Variants in DPYD observed in about 807,000 individuals in gnomAD.
DPYD encodes dihydropyrimidine dehydrogenase [NADP(+)].
DPYD carries 109 observed loss-of-function variants against 116.2 expected under a neutral mutation model. That is an observed-to-expected ratio of 0.94 (90% confidence interval 0.80 to 1.10). The LOEUF (loss-of-function observed/expected upper bound fraction) is 1.10. DPYD is among the 50% of genes least tolerant of loss of function. The pLI is 0.00. For missense variants in DPYD, 1,302 were observed against 1,254.5 expected (o/e 1.04, Z -0.57); for synonymous variants, 440 against 432.0 (o/e 1.02, Z -0.23).
intron 20 of DPYD, among the ~76,000 whole-genome samples, chr1:97,164,809 G>A (rs907634031): frequency 2.6e-5 from 4 of 151,704 alleles, no homozygotes; most frequent in Admixed American, 1.3e-4. Context: ...TTCCATGCTC[G>A]TGGACAGGAG....
intron 6 of DPYD, among the ~76,000 whole-genome samples, chr1:97,698,055 T>C (rs1661400744): frequency 6.6e-6 from 1 of 152,028 alleles, no homozygotes; most frequent in Admixed American, 6.6e-5. Flanking sequence ...AAAATGATAT[T>C]CTAAATCTTT....
At chr1:97,672,509 A>T (rs906002861) in intron 8 of DPYD, among the ~76,000 whole-genome samples, 10 of 152,276 alleles carry the variant, frequency 6.6e-5, no homozygotes, top group South Asian at 2.1e-4. Flanking sequence ...ATTACAAATT[A>T]AAAAAAGTAG....
chr1:97,434,913 C>G (rs1457677218), intron 14 of DPYD, among the ~76,000 whole-genome samples: 1 of 151,912 alleles, frequency 6.6e-6, no homozygotes, highest in Non-Finnish European at 1.5e-5. Context: ...ATCATGCAAT[C>G]AGGATGATAT....
At chr1:97,627,949 A>C (rs1657030624) in intron 8 of DPYD, among the ~76,000 whole-genome samples, 1 of 152,084 alleles carries the variant, frequency 6.6e-6, no homozygotes, top group Non-Finnish European at 1.5e-5. Context: ...ATCCTTAAAA[A>C]GACCAGTTTG....
rs538118297 is a variant in DPYD at position 97,829,246 on chromosome 1, T to C, written c.151-1050A>G. 3.3e-5 allele frequency among the ~76,000 whole-genome samples: 5 copies of C among 152,042 alleles called. No individual in the cohort carries two copies. In the South Asian group the frequency reaches 1.0e-3, roughly 32 times the overall value. ...ATTTTACAAAATTACAGAAATTATA[T>C]TAATAATGTCCAATGTATAAGAATG... On this transcript the variant is annotated intron_variant, in intron 2 of 22. Coordinates refer to ENST00000370192, the MANE Select transcript of DPYD (RefSeq NM_000110.4).
In DPYD at chr1:97,472,468, A is replaced by C. The variant is rs565616622; in HGVS notation, c.1741-22245T>G. Among the ~76,000 whole-genome samples, 74 of 152,302 alleles carry C rather than the reference A, an allele frequency of 4.9e-4. 1 individual carries two copies. The highest frequency in any genetic ancestry group is 1.7e-3 in the African/African-American group (71 of 41,570). ...TTTAGTACACTTTCTTCCTTAGGCA[A>C]GTTGCTTTACTGTTATTTGGATGTG... On this transcript the variant is annotated intron_variant, in intron 13 of 22. Transcript: ENST00000370192.
At chr1:97,144,625 G>A (rs1654474606) in intron 20 of DPYD, among the ~76,000 whole-genome samples, 1 of 152,110 alleles carries the variant, frequency 6.6e-6, no homozygotes, top group Non-Finnish European at 1.5e-5. Flanking sequence ...GCTTCAAAAA[G>A]TGACAGGGTT....
At chr1:97,766,429 G>A (rs1045215790) in intron 3 of DPYD, among the ~76,000 whole-genome samples, 1 of 152,230 alleles carries the variant, frequency 6.6e-6, no homozygotes, top group South Asian at 2.1e-4. Context: ...TTTGCAAGCA[G>A]ATTTTAGAGG....
At chr1:97,889,908 T>G (rs1672693823) in intron 1 of DPYD, among the ~76,000 whole-genome samples, 1 of 152,008 alleles carries the variant, frequency 6.6e-6, no homozygotes, top group African/African-American at 2.4e-5. Flanking sequence ...TAGTTCTCCC[T>G]CTTCAATGGA....
intron 3 of DPYD, among the ~76,000 whole-genome samples, chr1:97,741,753 A>C (rs1664282054): frequency 6.6e-6 from 1 of 152,186 alleles, no homozygotes; most frequent in Non-Finnish European, 1.5e-5. Context: ...TGAAGTACAG[A>C]CACAGAAAAA....
chr1:97,287,529 G>T (rs1250091925), intron 18 of DPYD, among the ~76,000 whole-genome samples: 1 of 152,190 alleles, frequency 6.6e-6, no homozygotes, highest in East Asian at 1.9e-4. Flanking sequence ...CCTGCCCCCA[G>T]AGGTGGAGCC....
chr1:97,120,881 A>G (rs1043341748), intron 20 of DPYD, among the ~76,000 whole-genome samples: 17 of 152,222 alleles, frequency 1.1e-4, no homozygotes, highest in African/African-American at 4.1e-4. Context: ...AACTACTAAA[A>G]TGGAATGCCA....
intron 20 of DPYD, among the ~76,000 whole-genome samples, chr1:97,191,630 G>C (rs1441937238): frequency 6.6e-6 from 1 of 152,084 alleles, no homozygotes; most frequent in Non-Finnish European, 1.5e-5. Flanking sequence ...TTTGAAACGA[G>C]TGTGAAAATC....
intron 8 of DPYD, among the ~76,000 whole-genome samples, chr1:97,660,685 A>C (rs1203775281): frequency 1.3e-5 from 2 of 152,120 alleles, no homozygotes; most frequent in Non-Finnish European, 2.9e-5. Flanking sequence ...CAAAGGAGTA[A>C]ATAAAACCTT....
chr1:97,686,295 G>A (rs1295054628), intron 7 of DPYD, among the ~76,000 whole-genome samples: 2 of 152,050 alleles, frequency 1.3e-5, no homozygotes, highest in Non-Finnish European at 2.9e-5. Flanking sequence ...ATTGAAACTA[G>A]ACCCCTTCCT....
intron 18 of DPYD, among the ~76,000 whole-genome samples, chr1:97,244,467 A>G (rs775008307): frequency 1.2e-4 from 18 of 152,010 alleles, no homozygotes; most frequent in Non-Finnish European, 2.1e-4. Flanking sequence ...TTTAGAAAGA[A>G]ATCCAGTGCG....
chr1:97,921,043 C>CGGCGCGGGGGCGGAGCG (rs1002446661), upstream of DPYD: 8 of 1,287,360 alleles, frequency 6.2e-6, no homozygotes, highest in Middle Eastern at 2.1e-4. Context: ...CTAGGGCCGG[C>CGGCGCGGGGGCGGAGCG]GGCGCGGGGG....
chr1:97,407,487 G>T (rs1234781121), intron 14 of DPYD, among the ~76,000 whole-genome samples: 2 of 152,130 alleles, frequency 1.3e-5, no homozygotes, highest in African/African-American at 2.4e-5. Flanking sequence ...AACTCCTAGA[G>T]GACATGGGCT....
At chr1:97,368,946 T>C (rs1280576083) in intron 16 of DPYD, among the ~76,000 whole-genome samples, 1 of 152,118 alleles carries the variant, frequency 6.6e-6, no homozygotes, top group East Asian at 1.9e-4. Flanking sequence ...CACCTATTGT[T>C]GGCAATAATT....
Sources: allele counts gnomAD v4.1 joint callset (sites outside exome capture counted in the v4.1 genomes callset), GRCh38; gene constraint gnomAD v4.1.1; transcripts MANE v1.5; gene names NCBI Gene and HGNC (gene_info 2026-07-23, HGNC 2026-07-21).